BOLL: variants seen among roughly 807,000 people sequenced by gnomAD.
BOLL encodes the protein boule RNA binding protein.
A neutral mutation model predicts 44.4 loss-of-function variants in BOLL; 23 were observed. The observed-to-expected ratio is 0.52, with a 90% confidence interval of 0.37 to 0.73. The LOEUF is 0.73. BOLL is among the 30% of genes least tolerant of loss of function. BOLL has a pLI of 0.00. For missense variants in BOLL, 287 were observed against 338.3 expected, an observed-to-expected ratio of 0.85 and a Z score of 1.19; for synonymous variants, 97 against 110.8, an observed-to-expected ratio of 0.88 and a Z score of 0.78.
intron 7 of BOLL, among the ~76,000 whole-genome samples, chr2:197,758,295 GTATC>G (rs1480520628): frequency 1.3e-5 from 2 of 152,162 alleles, no homozygotes; most frequent in African/African-American, 4.8e-5. Flanking sequence ...GTGGTACAGT[GTATC>G]CATACAATGG....
chr2:197,760,601 C>T lies in BOLL; in HGVS notation c.553-3201G>A, dbSNP rs140625753. On this transcript the variant is annotated intron_variant, in intron 7 of 10. Coordinates refer to ENST00000392296, the MANE Select transcript of BOLL (RefSeq NM_033030.6). ...ATGTACACAGCCCTGACCTGAGGAA[C>T]AGCTCAGCAAGCCCACCCCTGGCAA... Among the ~76,000 whole-genome samples, 111 of 152,314 alleles carry T rather than the reference C, an allele frequency of 7.3e-4. 2 individuals are homozygous for T. In the East Asian group the frequency reaches 0.019, roughly 26 times the overall value.
intron 2 of BOLL, 137 bp downstream of exon 2, chr2:197,781,585 T>C: frequency 1.1e-6 from 1 of 907,050 alleles, no homozygotes; most frequent in Non-Finnish European, 1.5e-6. Context: ...GTTGAAAAGA[T>C]TCTTTATAAT....
chr2:197,735,325 A>G (rs981837093), intron 10 of BOLL, among the ~76,000 whole-genome samples: 2 of 152,068 alleles, frequency 1.3e-5, no homozygotes, highest in Non-Finnish European at 2.9e-5. Context: ...GTTTTCTTCT[A>G]TTAATTTATT....
In BOLL at chr2:197,756,492, T is replaced by A; in HGVS notation, c.665A>T (p.Glu222Val). 1.9e-6 allele frequency: 3 copies of A among 1,612,910 alleles called. No individual in the cohort carries two copies. Among genetic ancestry groups the A allele is most frequent in the Non-Finnish European group, 1.7e-6 (2 of 1,179,218 alleles). Residue 222 changes from glutamate to valine, a missense_variant, in exon 9 of 11, where the codon GAA becomes GTA. Glu to Val is a moderately radical substitution (Grantham distance 121). Coordinates refer to ENST00000392296, the MANE Select transcript of BOLL (RefSeq NM_033030.6). The stretch of plus-strand genomic sequence containing the variant: ...AACACATCCACCATCCTGTGCAATT[T>A]CCACTGGTTGATAAATAACCTCAGA... ...QPSEVIYQPVEIAQDGGCVPP... is the reference protein window; with the variant it reads ...QPSEVIYQPVVIAQDGGCVPP...
chr2:197,766,699 C>T (rs1012128436), intron 6 of BOLL, 96 bp from the exon 7 acceptor site: 9 of 840,524 alleles, frequency 1.1e-5, no homozygotes, highest in African/African-American at 6.9e-5. Context: ...CAGTAAACTT[C>T]TGGTTTATGA....
chr2:197,777,644 G>T (rs753886874), intron 3 of BOLL, among the ~76,000 whole-genome samples: 5 of 151,666 alleles, frequency 3.3e-5, no homozygotes, highest in Non-Finnish European at 5.9e-5. Context: ...GTACAACCCA[G>T]ATTTCACATC....
At chr2:197,749,183 T>TAACATC (rs1688122445) in intron 9 of BOLL, among the ~76,000 whole-genome samples, 1 of 152,096 alleles carries the variant, frequency 6.6e-6, no homozygotes, top group South Asian at 2.1e-4. Flanking sequence ...CAGAAAGCAA[T>TAACATC]AACATCAACA....
chr2:197,751,961 T>C (rs1474896187), intron 9 of BOLL, among the ~76,000 whole-genome samples: 1 of 152,172 alleles, frequency 6.6e-6, no homozygotes, highest in Non-Finnish European at 1.5e-5. Context: ...CACCGTCAAG[T>C]TGGCTTCATC....
intron 10 of BOLL, among the ~76,000 whole-genome samples, chr2:197,729,142 G>A (rs1346585669): frequency 6.6e-6 from 1 of 152,218 alleles, no homozygotes; most frequent in African/African-American, 2.4e-5. Context: ...CTGAAGCAGG[G>A]CGAGGCATTG....
upstream of BOLL, chr2:197,785,450 A>C: frequency 1.1e-6 from 1 of 918,258 alleles, no homozygotes; most frequent in Non-Finnish European, 1.3e-6. This position sits in a 1 kb window ranked among gnomAD's most constrained non-coding sequence, Gnocchi z 6.7. Context: ...GTCCACCCTG[A>C]CTGGCTTGGG....
intron 10 of BOLL, among the ~76,000 whole-genome samples, chr2:197,737,868 A>C (rs1687568092): frequency 6.6e-6 from 1 of 152,164 alleles, no homozygotes; most frequent in Admixed American, 6.6e-5. Context: ...AAGTCCAATC[A>C]GTATTTTACT....
intron 2 of BOLL, among the ~76,000 whole-genome samples, 183 bp downstream of exon 2, chr2:197,781,539 G>C (rs1216866870): frequency 6.6e-6 from 1 of 152,110 alleles, no homozygotes; most frequent in Non-Finnish European, 1.5e-5. Flanking sequence ...ATCTGACATT[G>C]AACAGTTTTT....
intron 8 of BOLL, among the ~76,000 whole-genome samples, chr2:197,757,099 T>C (rs1196891697): frequency 6.6e-6 from 1 of 152,124 alleles, no homozygotes; most frequent in African/African-American, 2.4e-5. Context: ...GTTTATACAG[T>C]ACACATTTAT....
At chr2:197,780,200 C>T (rs1312701975) in intron 2 of BOLL, among the ~76,000 whole-genome samples, 1 of 151,814 alleles carries the variant, frequency 6.6e-6, no homozygotes, top group African/African-American at 2.4e-5. Context: ...AAGAGACAGT[C>T]AAGAAAAGTA....
At chr2:197,752,721 A>G (rs1019490607) in intron 9 of BOLL, among the ~76,000 whole-genome samples, 2 of 152,232 alleles carry the variant, frequency 1.3e-5, no homozygotes, top group African/African-American at 4.8e-5. Flanking sequence ...GAAAATGGCC[A>G]TACTGCCCAA....
At chr2:197,785,452 T>C, upstream of BOLL, 1 of 904,330 alleles carries the variant, frequency 1.1e-6, no homozygotes. This position sits in a 1 kb window ranked among gnomAD's most constrained non-coding sequence, Gnocchi z 6.7. Context: ...CCACCCTGAC[T>C]GGCTTGGGTG....
At chr2:197,772,542 A>C (rs1399979268) in intron 5 of BOLL, among the ~76,000 whole-genome samples, 1 of 151,866 alleles carries the variant, frequency 6.6e-6, no homozygotes, top group South Asian at 2.1e-4. Flanking sequence ...GCTGTCTTTT[A>C]TCTCTCTTTT....
At chr2:197,729,713 C>T (rs1687056415) in intron 10 of BOLL, among the ~76,000 whole-genome samples, 1 of 152,184 alleles carries the variant, frequency 6.6e-6, no homozygotes, top group African/African-American at 2.4e-5. Context: ...ACTGACACCT[C>T]ACAGGGCAGG....
intron 9 of BOLL, among the ~76,000 whole-genome samples, chr2:197,747,410 C>T (rs915637141): frequency 2.6e-5 from 4 of 151,710 alleles, no homozygotes; most frequent in East Asian, 3.9e-4. Flanking sequence ...GGTGAAACCC[C>T]GTCTCTACTA....
Sources: gnomAD v4.1 joint callset for allele counts (sites outside exome capture counted in the v4.1 genomes callset) on GRCh38, gnomAD v4.1.1 for gene constraint, Gnocchi (gnomAD v3.1) non-coding constraint, MANE v1.5 for transcripts, NCBI Gene and HGNC (gene_info 2026-07-23, HGNC 2026-07-21) for gene names.